Variants in TJP3 observed in about 807,000 individuals in gnomAD.
The protein encoded by TJP3 is tight junction protein 3.
Under a neutral mutation model 104.2 loss-of-function variants are expected in TJP3, and 85 were observed. The ratio of observed to expected loss-of-function variants is 0.82; its 90% CI spans 0.68 to 0.98. The LOEUF is 0.98. TJP3 is among the 50% of genes least tolerant of loss of function. The pLI, the probability that TJP3 is intolerant of heterozygous loss-of-function variation, is 0.00. For missense variants in TJP3, 1,367 were observed against 1,322.8 expected, an observed-to-expected ratio of 1.03 and a Z score of -0.52; for synonymous variants, 550 against 550.6, an observed-to-expected ratio of 1.00 and a Z score of 0.02.
chr19:3,721,631 C>T (rs2036542678), intron 1 of TJP3: 1 of 306,742 alleles, frequency 3.3e-6, no homozygotes, highest in Admixed American at 5.1e-5. Flanking sequence ...CAGGACCTGG[C>T]TCCTGTGATG....
At chr19:3,740,869 G>A (rs2036806718) in intron 14 of TJP3, 106 bp downstream of exon 14, 5 of 1,122,506 alleles carry the variant, frequency 4.5e-6, no homozygotes, top group Non-Finnish European at 5.9e-6. Flanking sequence ...GGCCCGGCGT[G>A]GTGGCTCACG....
chr19:3,746,188 A>G lies in TJP3; in HGVS notation c.2010+107A>G, dbSNP rs991661384. On this transcript the variant is annotated intron_variant, in intron 16 of 20. Transcript: ENST00000541714. This position sits in a 1 kb window ranked among gnomAD's most constrained non-coding sequence, Gnocchi z 4.1. ...TTCTCAGCCCACACCCCACAAGTGC[A>G]GTCTTCCATAGAGCCCCTTTTGGAG... 5.2e-6 allele frequency: 6 copies of G among 1,150,706 alleles called. No homozygotes were observed. The South Asian group carries it at 5.5e-5, about 11-fold the overall frequency. The allele number at this position is 1,150,706 out of a possible 1,614,324, so 71.3% of individuals were successfully genotyped here. A position where few individuals can be genotyped will look rare whatever the true frequency, so the allele number is the denominator to read the frequency against.
At chr19:3,739,244 C>A in intron 13 of TJP3, 110 bp downstream of exon 13, 1 of 1,025,192 alleles carries the variant, frequency 9.8e-7, no homozygotes, top group Non-Finnish European at 1.4e-6. Flanking sequence ...GTAATCCTGG[C>A]ACTTTGGGAG....
intron 3 of TJP3, among the ~76,000 whole-genome samples, chr19:3,729,389 A>G (rs1320297215): frequency 2.0e-5 from 3 of 152,142 alleles, no homozygotes; most frequent in Non-Finnish European, 4.4e-5. Context: ...AAGAGCTAGA[A>G]AGAAAATATG....
chr19:3,744,403 T>C (rs891635595), intron 15 of TJP3, among the ~76,000 whole-genome samples: 7 of 152,050 alleles, frequency 4.6e-5, no homozygotes, highest in African/African-American at 1.4e-4. Context: ...CGGTGGCTCA[T>C]GCCTGTAATC....
At chr19:3,718,099 G>C (rs953909124) in intron 1 of TJP3, among the ~76,000 whole-genome samples, 2 of 150,892 alleles carry the variant, frequency 1.3e-5, no homozygotes, top group Non-Finnish European at 3.0e-5. Context: ...CCAGCTACTC[G>C]GGAGGCTGAG....
intron 19 of TJP3, chr19:3,749,783 G>T: frequency 3.2e-6 from 1 of 310,310 alleles, no homozygotes; most frequent in Non-Finnish European, 5.9e-6. Flanking sequence ...ATTTTCCTGG[G>T]GTTGTGCAGT....
intron 1 of TJP3, among the ~76,000 whole-genome samples, chr19:3,717,560 TG>T (rs2145666621): frequency 6.6e-6 from 1 of 151,768 alleles, no homozygotes; most frequent in Non-Finnish European, 1.5e-5. Context: ...CTCAGCCTCC[TG>T]AGTAGCTGGG....
At chr19:3,738,408 C>G (rs963344842) in intron 11 of TJP3, 147 bp from the exon 12 acceptor site, 3 of 636,398 alleles carry the variant, frequency 4.7e-6, no homozygotes, top group African/African-American at 1.8e-5. Flanking sequence ...ATACCCCAGT[C>G]GGAAAGCCCT....
chr19:3,739,091 G>C lies in TJP3; in HGVS notation c.1588G>C (p.Asp530His). ...GHWLAVRMGRDLREQERGIIP... is the reference protein window; with the variant it reads ...GHWLAVRMGRHLREQERGIIP... Reference sequence around the variant, plus strand: ...CTGGCTGGCGGTGCGCATGGGTCGTGACCTGCGGGAGCAAGAGCGGGGCAT... The same window carrying C: ...CTGGCTGGCGGTGCGCATGGGTCGTCACCTGCGGGAGCAAGAGCGGGGCAT... The change falls in exon 13 of 21, where the codon GAC becomes CAC. Residue 530 changes from aspartate (D) to histidine (H), a missense_variant. Coordinates refer to ENST00000541714, the MANE Select transcript of TJP3 (RefSeq NM_001267560.2). The C allele has an allele frequency of 6.3e-7, 1 of 1,591,090 alleles. No individual in the cohort carries two copies. Among genetic ancestry groups the C allele is most frequent in the Non-Finnish European group, 8.6e-7 (1 of 1,165,826 alleles).
chr19:3,727,769 C>T (rs2036615794), intron 1 of TJP3, among the ~76,000 whole-genome samples: 1 of 151,402 alleles, frequency 6.6e-6, no homozygotes, highest in Non-Finnish European at 1.5e-5. Context: ...TGGTGGTGGG[C>T]ACCTGTAGGT....
chr19:3,747,725 G>A (rs2036918532), intron 18 of TJP3, 69 bp from the exon 19 acceptor site: 2 of 1,452,736 alleles, frequency 1.4e-6, no homozygotes, highest in Non-Finnish European at 1.8e-6. Context: ...TTTGAAGGTG[G>A]GGGGATGTCG....
At chr19:3,718,495 G>A (rs2036512647) in intron 1 of TJP3, among the ~76,000 whole-genome samples, 1 of 150,880 alleles carries the variant, frequency 6.6e-6, no homozygotes, top group African/African-American at 2.4e-5. Flanking sequence ...GGTGGACAGG[G>A]CCTCACTCTG....
rs549831017 is a variant in TJP3, at chr19:3,745,133, C to CTTTTTTTTTTTTTT, written c.1940-861_1940-848dup. Among the ~76,000 whole-genome samples, 8 of 70,046 alleles carry CTTTTTTTTTTTTTT rather than the reference C, an allele frequency of 1.1e-4. 1 individual carries two copies. Among genetic ancestry groups the CTTTTTTTTTTTTTT allele is most frequent in the African/African-American group, 4.4e-4 (7 of 15,858 alleles). 46.0% of individuals were successfully genotyped at this position (70,046 alleles called of 152,430 possible). On this transcript the variant is annotated intron_variant, in intron 15 of 20. Transcript: ENST00000541714. ...TTAAAAAAAGATGCAAATTTTATGT[C>CTTTTTTTTTTTTTT]TTTTTTTTTTTTTTTTTTTTTTTTT...
At position 3,732,180 on chromosome 19, in the gene TJP3, G is replaced by A. The variant is rs2036680411; in HGVS notation, c.717+142G>A. 5 of 637,252 alleles carry A rather than the reference G, an allele frequency of 7.8e-6. No homozygotes were observed. The East Asian group carries it at 1.5e-4, about 19-fold the overall frequency. 39.5% of individuals were successfully genotyped at this position (637,252 alleles called of 1,614,324 possible). On this transcript the variant is annotated intron_variant, in intron 6 of 20. Transcript: ENST00000541714. Reference sequence around the variant, plus strand: ...TGTTGTTGCTTGTATCTCAAAGGTTGCAGATGGCCAGGCATAAAACCCCCT... The same window carrying A: ...TGTTGTTGCTTGTATCTCAAAGGTTACAGATGGCCAGGCATAAAACCCCCT...
chr19:3,750,366 C>T (rs2036976162), intron 20 of TJP3, among the ~76,000 whole-genome samples, 182 bp downstream of exon 20: 2 of 152,062 alleles, frequency 1.3e-5, no homozygotes, highest in Admixed American at 1.3e-4. Flanking sequence ...GAATCCACTT[C>T]CTGGGAGGCC....
chr19:3,748,431 C>CA (rs1292326552), intron 19 of TJP3, among the ~76,000 whole-genome samples: 1 of 151,264 alleles, frequency 6.6e-6, no homozygotes, highest in African/African-American at 2.4e-5. Context: ...GCCACCATGC[C>CA]CGGCTAATTT....
intron 1 of TJP3, among the ~76,000 whole-genome samples, chr19:3,720,319 T>C (rs896189041): frequency 2.0e-5 from 3 of 152,310 alleles, no homozygotes; most frequent in Middle Eastern, 3.4e-3. Context: ...TTGGGTACAA[T>C]TGCAGTGGAG....
intron 9 of TJP3, 58 bp from the exon 10 acceptor site, chr19:3,735,811 G>A: frequency 6.2e-7 from 1 of 1,608,914 alleles, no homozygotes; most frequent in Non-Finnish European, 8.5e-7. Context: ...TAAAGCAAAG[G>A]TTTGGAGGCT....
Sources: allele counts gnomAD v4.1 joint callset (sites outside exome capture counted in the v4.1 genomes callset), GRCh38; gene constraint gnomAD v4.1.1; non-coding constraint Gnocchi (gnomAD v3.1); transcripts MANE v1.5; gene names NCBI Gene and HGNC (gene_info 2026-07-23, HGNC 2026-07-21).